Variants in ODF1 observed in about 807,000 individuals in gnomAD.
ODF1 encodes outer dense fiber protein 1.
A neutral mutation model predicts 24.0 loss-of-function variants in ODF1; 10 were observed. That is an observed-to-expected ratio of 0.42 (90% confidence interval 0.26 to 0.71). ODF1 has a LOEUF of 0.71. ODF1 is among the 30% of genes least tolerant of loss of function. The pLI is 0.28. For missense variants in ODF1, 282 were observed against 307.9 expected, an observed-to-expected ratio of 0.92 and a Z score of 0.63; for synonymous variants, 118 against 121.3, an observed-to-expected ratio of 0.97 and a Z score of 0.18.
At chr8:102,556,301 A>G (rs889902204) in intron 1 of ODF1, among the ~76,000 whole-genome samples, 5 of 152,196 alleles carry the variant, frequency 3.3e-5, no homozygotes, top group Non-Finnish European at 5.9e-5. Flanking sequence ...TGGCCCCTGA[A>G]GCTGATTAGT....
At chr8:102,558,732 A>C (rs936061985) in intron 1 of ODF1, among the ~76,000 whole-genome samples, 1 of 147,184 alleles carries the variant, frequency 6.8e-6, no homozygotes, top group Non-Finnish European at 1.5e-5. Flanking sequence ...CTCTCTCTAC[A>C]TGTATATAGA....
rs1826041043 is a variant in ODF1, at chr8:102,551,618, T to C, written c.-110T>C. The C allele has an allele frequency of 5.2e-6, 4 of 771,378 alleles. No individual in the cohort carries two copies. The highest frequency in any genetic ancestry group is 1.7e-5 in the African/African-American group (1 of 57,410). 47.8% of individuals were successfully genotyped at this position (771,378 alleles called of 1,614,324 possible). ...CACAAGCTTTAAAGTAAGTGAATCA[T>C]GTGTGCCTCATTTATTTTTAAAAGC... On this transcript the variant is annotated 5_prime_UTR_variant, in exon 1 of 2. It removes an upstream start codon present in the reference 5' UTR. Coordinates refer to ENST00000285402, the MANE Select transcript of ODF1 (RefSeq NM_024410.4).
In ODF1 at chr8:102,560,874, T is replaced by G; in HGVS notation, c.743T>G (p.Met248Arg). 6.2e-7 allele frequency: 1 copy of G among 1,610,014 alleles called. No homozygotes were observed. Among genetic ancestry groups the G allele is most frequent in the Non-Finnish European group, 8.5e-7 (1 of 1,177,564 alleles). ...GGAAGCCGATTTTCCTGTAGGAAGA[T>G]GATTTTGTAAAGTGCGCATAGGAAC... ...PCGSRFSCRK[M>R]IL Residue 248 changes from methionine (M) to arginine (R), a missense_variant, in exon 2 of 2, where the codon ATG becomes AGG. Physicochemically the swap from Met to Arg is moderately conservative, Grantham distance 91 (BLOSUM62 -1). Transcript: ENST00000285402.
In ODF1 at chr8:102,561,003, C is replaced by T; in HGVS notation, c.*119C>T. The T allele has an allele frequency of 4.3e-6, 4 of 930,042 alleles. No individual in the cohort carries two copies. Among genetic ancestry groups the T allele is most frequent in the Non-Finnish European group, 6.5e-6 (4 of 612,630 alleles). The allele number at this position is 930,042 out of a possible 1,614,324, so 57.6% of individuals were successfully genotyped here. ...GTTGAAGTACGTAGGAAACTGAATA[C>T]ATAACTGCAATCTGCTGGTGTTGTG... On this transcript the variant is annotated 3_prime_UTR_variant, in exon 2 of 2. Transcript: ENST00000285402.
In ODF1 at chr8:102,551,895, G is replaced by C; in HGVS notation, c.168G>C (p.Leu56Phe). 6.2e-7 allele frequency: 1 copy of C among 1,614,132 alleles called. No homozygotes were observed. The highest frequency in any genetic ancestry group is 2.2e-5 in the East Asian group (1 of 44,864). ...CCDLHPYPYC[L>F]CYSKRSRSCG... Reference sequence around the variant, plus strand: ...ACTTGCACCCATATCCGTACTGCTTGTGCTATTCCAAGCGATCACGCTCTT... The same window carrying C: ...ACTTGCACCCATATCCGTACTGCTTCTGCTATTCCAAGCGATCACGCTCTT... The change falls in exon 1 of 2, where the codon TTG (leucine) becomes TTC (phenylalanine). Residue 56 changes from leucine to phenylalanine, a missense_variant. Physicochemically the swap from Leu to Phe is conservative, Grantham distance 22. Coordinates refer to ENST00000285402, the MANE Select transcript of ODF1 (RefSeq NM_024410.4).
intron 1 of ODF1, among the ~76,000 whole-genome samples, chr8:102,553,429 T>C (rs1826073023): frequency 6.6e-6 from 1 of 151,318 alleles, no homozygotes; most frequent in South Asian, 2.1e-4. Context: ...CCACCAATGG[T>C]CAGGAATGAA....
intron 1 of ODF1, among the ~76,000 whole-genome samples, chr8:102,552,565 C>A (rs745678590): frequency 1.7e-4 from 26 of 152,078 alleles, no homozygotes; most frequent in Non-Finnish European, 3.4e-4. Flanking sequence ...CCACTCCAGG[C>A]AAAGACTTAC....
At chr8:102,554,647 A>G (rs995342127) in intron 1 of ODF1, among the ~76,000 whole-genome samples, 1 of 152,128 alleles carries the variant, frequency 6.6e-6, no homozygotes, top group African/African-American at 2.4e-5. Context: ...GTTTTCTTAG[A>G]CTGGGCATAG....
intron 1 of ODF1, among the ~76,000 whole-genome samples, chr8:102,554,335 A>G (rs995477405): frequency 6.6e-6 from 1 of 152,210 alleles, no homozygotes; most frequent in Non-Finnish European, 1.5e-5. Flanking sequence ...TAGAATTCAT[A>G]TTCACATGAC....
At chr8:102,559,991 G>T (rs1197942912) in intron 1 of ODF1, among the ~76,000 whole-genome samples, 1 of 150,974 alleles carries the variant, frequency 6.6e-6, no homozygotes, top group Non-Finnish European at 1.5e-5. Context: ...AATGAGAGTG[G>T]TAATAATTAA....
chr8:102,555,721 GACC>G (rs1381375664), intron 1 of ODF1, among the ~76,000 whole-genome samples: 2 of 152,180 alleles, frequency 1.3e-5, no homozygotes, highest in African/African-American at 4.8e-5. Context: ...CTCATTCTCT[GACC>G]CAGAGGTCGG....
At chr8:102,560,241 T>C (rs1236983158) in intron 1 of ODF1, among the ~76,000 whole-genome samples, 1 of 147,550 alleles carries the variant, frequency 6.8e-6, no homozygotes, top group African/African-American at 2.7e-5. Context: ...CACGCATTCA[T>C]TGTTAACAGC....
At chr8:102,559,717 A>C (rs893020093) in intron 1 of ODF1, among the ~76,000 whole-genome samples, 4 of 151,482 alleles carry the variant, frequency 2.6e-5, no homozygotes, top group African/African-American at 9.8e-5. Flanking sequence ...ACTTTCACAC[A>C]ACACCAGCCT....
chr8:102,553,428 G>C (rs993032586), intron 1 of ODF1, among the ~76,000 whole-genome samples: 1 of 151,410 alleles, frequency 6.6e-6, no homozygotes. Flanking sequence ...GCCACCAATG[G>C]TCAGGAATGA....
In ODF1 at chr8:102,551,925, C is replaced by G; in HGVS notation, c.198C>G (p.Gly66=). Residue 66 remains glycine, a synonymous_variant, in exon 1 of 2, where the codon GGC becomes GGG. Transcript: ENST00000285402. ...ATTCCAAGCGATCACGCTCTTGCGGCCTGTGTGATCTCTACCCATGTTGCC... is the reference window on the plus strand; with the variant it reads ...ATTCCAAGCGATCACGCTCTTGCGGGCTGTGTGATCTCTACCCATGTTGCC... ...LCYSKRSRSC[G]LCDLYPCCLC... The G allele has an allele frequency of 1.2e-6, 2 of 1,614,140 alleles. No individual in the cohort carries two copies. The highest frequency in any genetic ancestry group is 2.2e-5 in the East Asian group (1 of 44,878).
rs1826174410 is a variant in ODF1 at position 102,560,809 on chromosome 8, G to GCAACCCC, written c.678_679insCAACCCC (p.Cys227GlnfsTer7). ...GCAACCCCTGCAGCCCCTGCAACCC[G>GCAACCCC]TGCAGCCCATATGATCCTTGCAACC... On this transcript the variant is annotated frameshift_variant, in exon 2 of 2. Transcript: ENST00000285402. LOFTEE classifies it high-confidence loss of function. The GCAACCCC allele has an allele frequency of 1.2e-6, 1 of 857,994 alleles. No homozygotes were observed. Among genetic ancestry groups the GCAACCCC allele is most frequent in the African/African-American group, 3.8e-5 (1 of 26,468 alleles). 53.1% of individuals were successfully genotyped at this position (857,994 alleles called of 1,614,324 possible). A position where few individuals can be genotyped will look rare whatever the true frequency, so the allele number is the denominator to read the frequency against.
intron 1 of ODF1, among the ~76,000 whole-genome samples, chr8:102,559,205 C>G (rs546827630): frequency 6.6e-6 from 1 of 151,202 alleles, no homozygotes; most frequent in Non-Finnish European, 1.5e-5. Flanking sequence ...ACTGAGGCAC[C>G]GAGAAGTAAG....
chr8:102,553,390 AAAAG>A (rs1350219724), intron 1 of ODF1, among the ~76,000 whole-genome samples: 1 of 151,680 alleles, frequency 6.6e-6, no homozygotes, highest in Admixed American at 6.6e-5. Flanking sequence ...AAAAAAAAAA[AAAAG>A]GATAATTATT....
Position 102,560,729 on chromosome 8 carries a change from T to C in ODF1, c.598T>C (p.Ser200Pro). The C allele has an allele frequency of 6.2e-7, 1 of 1,613,344 alleles. No individual in the cohort carries two copies. Among genetic ancestry groups the C allele is most frequent in the Non-Finnish European group, 8.5e-7 (1 of 1,179,856 alleles). ...GCTCGGCAGCTGTGTCAAGATCGAGTCTCCTTGCTACCCTTGCACTTCTCC... is the reference window on the plus strand; with the variant it reads ...GCTCGGCAGCTGTGTCAAGATCGAGCCTCCTTGCTACCCTTGCACTTCTCC... ...YGLGSCVKIESPCYPCTSPCS... is the reference protein window; with the variant it reads ...YGLGSCVKIEPPCYPCTSPCS... Residue 200 changes from serine (S) to proline (P), a missense_variant, in exon 2 of 2, where the codon TCT (serine) becomes CCT (proline). Ser to Pro is a moderately conservative substitution (Grantham distance 74). Transcript: ENST00000285402.
Sources: gnomAD v4.1 joint callset for allele counts (sites outside exome capture counted in the v4.1 genomes callset) on GRCh38, gnomAD v4.1.1 for gene constraint, MANE v1.5 for transcripts, NCBI Gene and HGNC (gene_info 2026-07-23, HGNC 2026-07-21) for gene names.